The following RORB variants were observed in gnomAD, a reference collection of about 807,000 sequenced individuals.
The protein encoded by RORB is RAR related orphan receptor B, also known as nuclear receptor ROR-beta.
RORB carries 6 observed loss-of-function variants against 59.1 expected under a neutral mutation model. The observed-to-expected ratio is 0.10, with a 90% CI of 0.06 to 0.20. The LOEUF (loss-of-function observed/expected upper bound fraction) is 0.20, where lower values mean the gene tolerates loss of function less well. RORB is among the 10% of genes least tolerant of loss of function. The pLI, the probability that RORB is intolerant of heterozygous loss-of-function variation, is 1.00. For synonymous variants in RORB, 215 were observed against 204.5 expected (o/e 1.05, Z -0.44); for missense variants, 320 against 560.5 (o/e 0.57, Z 4.33).
intron 1 of RORB, among the ~76,000 whole-genome samples, chr9:74,520,751 C>T (rs1378151161): frequency 2.0e-5 from 3 of 151,370 alleles, no homozygotes; most frequent in African/African-American, 7.3e-5. Flanking sequence ...TTTTTTTCTG[C>T]ACATTGTGAA....
intron 1 of RORB, among the ~76,000 whole-genome samples, chr9:74,532,834 A>ATG (rs1826267322): frequency 1.5e-5 from 2 of 135,050 alleles, no homozygotes. Context: ...ATGTGTATAT[A>ATG]TATACACATA....
At chr9:74,676,813 T>C (rs1342705543) in intron 9 of RORB, among the ~76,000 whole-genome samples, 1 of 152,246 alleles carries the variant, frequency 6.6e-6, no homozygotes, top group African/African-American at 2.4e-5. Context: ...ACCATGTAGA[T>C]GTCCTAACCA....
At chr9:74,613,363 T>C (rs1223079404) in intron 1 of RORB, among the ~76,000 whole-genome samples, 1 of 152,208 alleles carries the variant, frequency 6.6e-6, no homozygotes, top group Non-Finnish European at 1.5e-5. Flanking sequence ...TTTTACCAAA[T>C]GTATCTAATC....
intron 1 of RORB, among the ~76,000 whole-genome samples, chr9:74,553,621 T>C (rs1035283343): frequency 4.3e-4 from 65 of 152,194 alleles, no homozygotes; most frequent in Admixed American, 3.3e-4. Flanking sequence ...ACAAGTTCTA[T>C]AAGCATGAAC....
At chr9:74,646,252 T>C (rs1276037214) in intron 4 of RORB, among the ~76,000 whole-genome samples, 1 of 152,198 alleles carries the variant, frequency 6.6e-6, no homozygotes, top group Non-Finnish European at 1.5e-5. Flanking sequence ...TTGGGTCATC[T>C]TAAAAGCAGA....
At chr9:74,525,849 C>T (rs888616200) in intron 1 of RORB, among the ~76,000 whole-genome samples, 5 of 151,800 alleles carry the variant, frequency 3.3e-5, no homozygotes, top group African/African-American at 4.8e-5. Context: ...GTGATTTTCA[C>T]GTAGAGCCAA....
chr9:74,591,808 G>A (rs1305977267), intron 1 of RORB, among the ~76,000 whole-genome samples: 1 of 152,122 alleles, frequency 6.6e-6, no homozygotes, highest in African/African-American at 2.4e-5. Context: ...TGTACAACAA[G>A]TAGAAGAGAC....
At chr9:74,625,118 T>C (rs1823487865) in intron 1 of RORB, among the ~76,000 whole-genome samples, 1 of 152,184 alleles carries the variant, frequency 6.6e-6, no homozygotes, top group African/African-American at 2.4e-5. Flanking sequence ...GAATTCCTGG[T>C]GACTCTTTAA....
intron 1 of RORB, among the ~76,000 whole-genome samples, chr9:74,617,193 C>T (rs2118373397): frequency 6.6e-6 from 1 of 151,730 alleles, no homozygotes; most frequent in East Asian, 1.9e-4. Flanking sequence ...CATCAAAATG[C>T]CTTTGCTACA....
chr9:74,641,638 C>T (rs765852374), intron 3 of RORB, among the ~76,000 whole-genome samples: 16 of 152,070 alleles, frequency 1.1e-4, no homozygotes, highest in Non-Finnish European at 1.9e-4. Flanking sequence ...CAGTGGCTCA[C>T]ATCTGTAATC....
intron 2 of RORB, among the ~76,000 whole-genome samples, chr9:74,632,916 A>T (rs1468021636): frequency 6.6e-6 from 1 of 152,224 alleles, no homozygotes; most frequent in East Asian, 1.9e-4. Flanking sequence ...CAAACTGGAC[A>T]GTCAGAAGTC....
chr9:74,504,526 T>C (rs960995768), intron 1 of RORB, among the ~76,000 whole-genome samples: 9 of 152,060 alleles, frequency 5.9e-5, no homozygotes, highest in Non-Finnish European at 1.3e-4. Context: ...GACTTAAGCA[T>C]GTTCACCTCT....
At chr9:74,557,999 A>G (rs943143688) in intron 1 of RORB, among the ~76,000 whole-genome samples, 2 of 152,204 alleles carry the variant, frequency 1.3e-5, no homozygotes, top group Admixed American at 6.5e-5. Flanking sequence ...TATTTAAACA[A>G]CAAGAAAATA....
chr9:74,675,857 C>T (rs1380914481), intron 9 of RORB, among the ~76,000 whole-genome samples: 1 of 152,198 alleles, frequency 6.6e-6, no homozygotes, highest in African/African-American at 2.4e-5. Context: ...GCTCTTTCCC[C>T]ACTCAGTTGA....
At chr9:74,529,588 T>C (rs909788207) in intron 1 of RORB, among the ~76,000 whole-genome samples, 5 of 151,728 alleles carry the variant, frequency 3.3e-5, no homozygotes, top group African/African-American at 1.2e-4. Flanking sequence ...TAATAAATAG[T>C]AAATTTATGT....
At chr9:74,569,490 C>A (rs925987699) in intron 1 of RORB, among the ~76,000 whole-genome samples, 3 of 151,300 alleles carry the variant, frequency 2.0e-5, no homozygotes, top group Admixed American at 1.3e-4. Flanking sequence ...TATTACATAC[C>A]AAAAAAAGGA....
intron 4 of RORB, among the ~76,000 whole-genome samples, chr9:74,659,835 A>G (rs527412107): frequency 1.1e-4 from 17 of 152,308 alleles, no homozygotes; most frequent in African/African-American, 4.1e-4. Flanking sequence ...ATACAACTCG[A>G]TTGGGATAAA....
At chr9:74,600,139 C>T (rs181925074) in intron 1 of RORB, among the ~76,000 whole-genome samples, 30 of 152,316 alleles carry the variant, frequency 2.0e-4, no homozygotes, top group Admixed American at 1.7e-3. Context: ...AAAACTTACC[C>T]ATCCTGTGTC....
chr9:74,670,277 G>A (rs888025652), intron 8 of RORB, among the ~76,000 whole-genome samples: 1 of 152,114 alleles, frequency 6.6e-6, no homozygotes, highest in Admixed American at 6.5e-5. Flanking sequence ...TGAGGGAGAT[G>A]GTTTTCCTCT....
Sources: gnomAD v4.1 joint callset for allele counts (sites outside exome capture counted in the v4.1 genomes callset) on GRCh38, gnomAD v4.1.1 for gene constraint, MANE v1.5 for transcripts, NCBI Gene and HGNC (gene_info 2026-07-23, HGNC 2026-07-21) for gene names.